The following GTF3C3 variants were observed in gnomAD, a reference collection of about 807,000 sequenced individuals.
GTF3C3 encodes general transcription factor IIIC subunit 3.
GTF3C3 carries 75 observed loss-of-function variants against 105.2 expected under a neutral mutation model. That is an observed-to-expected ratio of 0.71 (90% CI 0.59 to 0.86). GTF3C3 has a LOEUF of 0.86. Ranked by LOEUF, GTF3C3 falls within the 40% of genes least tolerant of loss-of-function variation. GTF3C3 has a pLI of 0.00. For synonymous variants in GTF3C3, 335 were observed against 370.4 expected, an observed-to-expected ratio of 0.90 and a Z score of 1.10; for missense variants, 856 against 1,076.5, an observed-to-expected ratio of 0.80 and a Z score of 2.87.
In GTF3C3 at chr2:196,793,819, C is replaced by A. The variant is rs917641770; in HGVS notation, c.215-667G>T. Among the ~76,000 whole-genome samples the A allele has an allele frequency of 9.9e-5, 15 of 152,122 alleles. No individual in the cohort carries two copies. The East Asian group carries it at 2.5e-3, about 25-fold the overall frequency. Reference sequence around the variant, plus strand: ...CATAGTTCATTTGTATCTCAGGATACCACCATAGTATAATATAATGATTTT... The same window carrying A: ...CATAGTTCATTTGTATCTCAGGATAACACCATAGTATAATATAATGATTTT... On this transcript the variant is annotated intron_variant, in intron 2 of 17. Coordinates refer to ENST00000263956, the MANE Select transcript of GTF3C3 (RefSeq NM_012086.5).
At chr2:196,765,540 T>C (rs1169297961) in intron 17 of GTF3C3, among the ~76,000 whole-genome samples, 1 of 150,196 alleles carries the variant, frequency 6.7e-6, no homozygotes, top group Non-Finnish European at 1.5e-5. Context: ...AAAATATATA[T>C]AAATATGTAT....
chr2:196,781,342 G>GAAA (rs769914255), intron 8 of GTF3C3, among the ~76,000 whole-genome samples: 405 of 31,426 alleles, frequency 0.013, 6 homozygotes, highest in Middle Eastern at 0.045. Flanking sequence ...ATGTTAAGGG[G>GAAA]AAAAAAAAAA....
chr2:196,785,411 C>CT, intron 7 of GTF3C3, 30 bp downstream of exon 7: 1 of 1,310,574 alleles, frequency 7.6e-7, no homozygotes. Context: ...ACATGCAAAA[C>CT]TTAACAGAGA....
rs569038413 is a variant in GTF3C3 at position 196,780,697 on chromosome 2, T to A, written c.1115-35A>T. The A allele has an allele frequency of 6.3e-5, 101 of 1,597,568 alleles. 1 individual carries two copies. In the South Asian group the frequency reaches 8.3e-4, roughly 13 times the overall value. On this transcript the variant is annotated intron_variant, in intron 8 of 17. Coordinates refer to ENST00000263956, the MANE Select transcript of GTF3C3 (RefSeq NM_012086.5). ...ACACAGACAAGAAGCAGTTACTATA[T>A]GCAAGCTTGAGATGTGTATCTTCTA... is the stretch of plus-strand genomic sequence containing the variant.
Position 196,763,252 on chromosome 2 carries a change from T to C in GTF3C3, c.*1311A>G, listed in dbSNP as rs1481172514. ...AATATCAGCTGGTTTTTTTTTCCCT[T>C]AGGGAGACTTATTTCCTCCACGGCT... On this transcript the variant is annotated 3_prime_UTR_variant, in exon 18 of 18. Coordinates refer to ENST00000263956, the MANE Select transcript of GTF3C3 (RefSeq NM_012086.5). The C allele has an allele frequency of 1.3e-5, 2 of 152,218 alleles. No homozygotes were observed. The highest frequency in any genetic ancestry group is 1.3e-4 in the Admixed American group (2 of 15,298). The allele number at this position is 152,218 out of a possible 1,614,324, so 9.4% of individuals were successfully genotyped here.
chr2:196,767,849 CA>C (rs1283690128), intron 16 of GTF3C3, among the ~76,000 whole-genome samples: 29 of 152,230 alleles, frequency 1.9e-4, no homozygotes, highest in Non-Finnish European at 2.9e-5. Flanking sequence ...TCCCCTAATA[CA>C]ATAATGGAAT....
chr2:196,790,099 T>C (rs746339038), intron 4 of GTF3C3, 29 bp from the exon 5 acceptor site: 12 of 1,495,298 alleles, frequency 8.0e-6, no homozygotes, highest in South Asian at 6.2e-5. Flanking sequence ...ATAAATTCCA[T>C]TGGCTGAGAG....
chr2:196,781,342 G>GAAAAAAAAAAAAAAAAAAAAAA lies in GTF3C3; in HGVS notation c.1115-681_1115-680insTTTTTTTTTTTTTTTTTTTTTT, dbSNP rs769914255. 4.1e-4 allele frequency among the ~76,000 whole-genome samples: 13 copies of GAAAAAAAAAAAAAAAAAAAAAA among 31,450 alleles called. 3 individuals carry two copies. Among genetic ancestry groups the GAAAAAAAAAAAAAAAAAAAAAA allele is most frequent in the Non-Finnish European group, 4.4e-4 (8 of 18,172 alleles). 20.6% of individuals were successfully genotyped at this position (31,450 alleles called of 152,430 possible). On this transcript the variant is annotated intron_variant, in intron 8 of 17. Transcript: ENST00000263956. ...AACTGCAGATCAAAAATGTTAAGGGGAAAAAAAAAAAAAAAATATATATAT... is the reference window on the plus strand; with the variant it reads ...AACTGCAGATCAAAAATGTTAAGGGGAAAAAAAAAAAAAAAAAAAAAAAAAAAAAAAAAAAAAATATATATAT...
intron 15 of GTF3C3, 96 bp downstream of exon 15, chr2:196,771,652 G>T: frequency 1.3e-6 from 1 of 764,652 alleles, no homozygotes; most frequent in Non-Finnish European, 2.2e-6. Context: ...ATTTGTCACA[G>T]TGAGGCTGAT....
chr2:196,778,693 A>G (rs779448200), intron 10 of GTF3C3: 89 of 580,720 alleles, frequency 1.5e-4, no homozygotes, highest in Non-Finnish European at 2.1e-4. Context: ...TCACTCTGGC[A>G]TCATTAAGTA....
intron 2 of GTF3C3, among the ~76,000 whole-genome samples, chr2:196,797,065 C>T (rs552283750): frequency 3.3e-5 from 5 of 152,202 alleles, no homozygotes; most frequent in Admixed American, 3.3e-4. Flanking sequence ...CTTCTAACCC[C>T]TAGAACTAGA....
chr2:196,785,068 A>C (rs1041385727), intron 7 of GTF3C3, 139 bp from the exon 8 acceptor site: 2 of 620,116 alleles, frequency 3.2e-6, no homozygotes, highest in African/African-American at 1.8e-5. Flanking sequence ...AAAAATGAGA[A>C]ACCCTGTGAC....
intron 3 of GTF3C3, among the ~76,000 whole-genome samples, chr2:196,792,701 T>C (rs1188866710): frequency 6.6e-6 from 1 of 152,126 alleles, no homozygotes; most frequent in Non-Finnish European, 1.5e-5. Context: ...GCTGCAGCCT[T>C]GACTTCCCCA....
Position 196,776,430 on chromosome 2 carries a change from C to CTG in GTF3C3, c.1588_1589dup (p.Gln530HisfsTer5). On this transcript the variant is annotated frameshift_variant, in exon 11 of 18. Coordinates refer to ENST00000263956, the MANE Select transcript of GTF3C3 (RefSeq NM_012086.5). LOFTEE classifies it high-confidence loss of function. This position sits in a 1 kb window ranked among gnomAD's most constrained non-coding sequence, Gnocchi z 4.5. ...CCCTCTATGTGACATGGCCCACCTGCTGTGCAGCATTTGCATCCTGTGCTA... is the reference window on the plus strand; with the variant it reads ...CCCTCTATGTGACATGGCCCACCTGCTGTGTGCAGCATTTGCATCCTGTGCTA... 2 of 1,612,772 alleles carry CTG rather than the reference C, an allele frequency of 1.2e-6. No homozygotes were observed. Among genetic ancestry groups the CTG allele is most frequent in the Non-Finnish European group, 1.7e-6 (2 of 1,179,110 alleles).
chr2:196,776,607 A>G lies in GTF3C3; in HGVS notation c.1413T>C (p.Tyr471=), dbSNP rs1298285371. The G allele has an allele frequency of 6.2e-7, 1 of 1,613,998 alleles. No individual in the cohort carries two copies. The highest frequency in any genetic ancestry group is 8.5e-7 in the Non-Finnish European group (1 of 1,179,840). Residue 471 remains tyrosine, a synonymous_variant, in exon 11 of 18, where the codon TAT becomes TAC. Coordinates refer to ENST00000263956, the MANE Select transcript of GTF3C3 (RefSeq NM_012086.5). This position sits in a 1 kb window ranked among gnomAD's most constrained non-coding sequence, Gnocchi z 4.5. The part of the protein sequence containing the change: ...RHAECLKALG[Y]MERAAESYGK... ...CATAGCTTTCAGCAGCTCGCTCCAT[A>G]TAGCCTAAGGCCTTTAAACATTCTA... is the stretch of plus-strand genomic sequence containing the variant.
chr2:196,769,619 A>G (rs1379184588), intron 16 of GTF3C3, among the ~76,000 whole-genome samples: 2 of 152,138 alleles, frequency 1.3e-5, no homozygotes, highest in Non-Finnish European at 2.9e-5. Context: ...TCAGATGGTT[A>G]GAGACCTTGA....
chr2:196,791,425 C>T lies in GTF3C3; in HGVS notation c.447G>A (p.Leu149=). The T allele has an allele frequency of 6.2e-7, 1 of 1,613,778 alleles. No individual in the cohort carries two copies. Among genetic ancestry groups the T allele is most frequent in the South Asian group, 1.1e-5 (1 of 91,072 alleles). Residue 149 remains leucine (L), a synonymous_variant, in exon 4 of 18, where the codon CTG becomes CTA. Transcript: ENST00000263956. ...KRPRSKLPRA[L]RGLMGEANIR... is the part of the protein sequence containing the mutation. ...TGTTGGCTTCACCCATGAGACCTCT[C>T]AGAGCTCTGGGAAGTTTACTCCGAG...
rs1185646930 is a variant in GTF3C3 at position 196,776,867 on chromosome 2, A to T, written c.1391-238T>A. 5.9e-5 allele frequency among the ~76,000 whole-genome samples: 9 copies of T among 152,272 alleles called. No individual in the cohort carries two copies. The East Asian group carries it at 1.5e-3, about 26-fold the overall frequency. On this transcript the variant is annotated intron_variant, in intron 10 of 17. Transcript: ENST00000263956. This position sits in a 1 kb window ranked among gnomAD's most constrained non-coding sequence, Gnocchi z 4.5. ...ATTTAGGGTTCTGCTTTATTCATTG[A>T]GCATTACATTTTAAACACTGTCTTC...
chr2:196,769,240 G>C (rs1043674686), intron 16 of GTF3C3, among the ~76,000 whole-genome samples: 5 of 152,018 alleles, frequency 3.3e-5, no homozygotes, highest in African/African-American at 4.8e-5. Context: ...GAAACAAAAA[G>C]CCCCTTACTA....
Sources: gnomAD v4.1 joint callset for allele counts (sites outside exome capture counted in the v4.1 genomes callset) on GRCh38, gnomAD v4.1.1 for gene constraint, Gnocchi (gnomAD v3.1) non-coding constraint, MANE v1.5 for transcripts, NCBI Gene and HGNC (gene_info 2026-07-23, HGNC 2026-07-21) for gene names.